Variants in ASTN2 observed in about 807,000 individuals in gnomAD.
ASTN2 encodes astrotactin 2.
In ASTN2, 54 loss-of-function variants were observed where a neutral mutation model predicts 139.8. The ratio of observed to expected loss-of-function variants is 0.39; its 90% CI spans 0.31 to 0.48. The LOEUF is 0.48. Ranked by LOEUF, ASTN2 falls within the 20% of genes least tolerant of loss-of-function variation. ASTN2 has a pLI of 0.95. For synonymous variants in ASTN2, 756 were observed against 719.5 expected (o/e 1.05, Z -0.81); for missense variants, 1,565 against 1,725.1 (o/e 0.91, Z 1.64).
chr9:116,693,808 G>C (rs1020524357), intron 16 of ASTN2, among the ~76,000 whole-genome samples: 2 of 152,138 alleles, frequency 1.3e-5, no homozygotes, highest in African/African-American at 4.8e-5. Context: ...GTAGTCTTTT[G>C]GGGAAACTGA....
At chr9:116,909,403 G>C (rs1176976956) in intron 10 of ASTN2, among the ~76,000 whole-genome samples, 1 of 152,214 alleles carries the variant, frequency 6.6e-6, no homozygotes, top group East Asian at 1.9e-4. Context: ...GACAGAACTA[G>C]TCAAGGATAA....
intron 22 of ASTN2, among the ~76,000 whole-genome samples, chr9:116,428,370 A>G (rs1217656277): frequency 2.0e-5 from 3 of 152,108 alleles, no homozygotes; most frequent in Non-Finnish European, 4.4e-5. Flanking sequence ...CTAAAAATAC[A>G]AAATTTAGCT....
At chr9:116,566,879 A>G (rs62576086) in intron 19 of ASTN2, among the ~76,000 whole-genome samples, 1 of 152,050 alleles carries the variant, frequency 6.6e-6, no homozygotes, top group Non-Finnish European at 1.5e-5. Flanking sequence ...TCTCCTTCAC[A>G]CAGGGTCAGA....
chr9:116,903,337 A>T (rs1416537984), intron 10 of ASTN2, among the ~76,000 whole-genome samples: 5 of 152,096 alleles, frequency 3.3e-5, no homozygotes, highest in Admixed American at 2.0e-4. Flanking sequence ...GTTGGCAGAG[A>T]TCTTTGTTTT....
chr9:117,323,093 C>A (rs1164729465), intron 1 of ASTN2, among the ~76,000 whole-genome samples: 1 of 152,138 alleles, frequency 6.6e-6, no homozygotes, highest in East Asian at 1.9e-4. Context: ...ATTGACAGTC[C>A]TGGGGTCTGA....
intron 5 of ASTN2, among the ~76,000 whole-genome samples, chr9:117,046,113 G>C (rs1323053042): frequency 1.3e-5 from 2 of 152,046 alleles, no homozygotes; most frequent in African/African-American, 4.8e-5. Flanking sequence ...CAATTCTCCT[G>C]TCTCAGCCTC....
chr9:116,660,091 T>C (rs900001375), intron 16 of ASTN2, among the ~76,000 whole-genome samples: 11 of 151,916 alleles, frequency 7.2e-5, no homozygotes, highest in Non-Finnish European at 1.3e-4. Context: ...TAGGGCATTG[T>C]TGGGTGGCTT....
chr9:116,880,495 AAAAT>A (rs959838211), intron 10 of ASTN2, among the ~76,000 whole-genome samples: 1 of 152,180 alleles, frequency 6.6e-6, no homozygotes, highest in African/African-American at 2.4e-5. Flanking sequence ...TGGGCTTCAG[AAAAT>A]AAATAAATAA....
chr9:117,051,954 C>T (rs534582682), intron 5 of ASTN2, among the ~76,000 whole-genome samples: 4 of 152,200 alleles, frequency 2.6e-5, no homozygotes, highest in Admixed American at 2.6e-4. Flanking sequence ...TAAACCATAC[C>T]CAAACATTCC....
chr9:117,236,217 C>A (rs1265325960), intron 2 of ASTN2, among the ~76,000 whole-genome samples: 1 of 152,182 alleles, frequency 6.6e-6, no homozygotes, highest in Non-Finnish European at 1.5e-5. Context: ...TACTGCCTTC[C>A]ATCATTACCA....
chr9:116,425,995 T>G lies in ASTN2; in HGVS notation c.3876A>C (p.Thr1292=), dbSNP rs1336591510. ...CGCTGCGGCAGAAAAGATAGGGCAC[T>G]GTTTCCACGCGGCTCTGGATGTAGG... ...RSAYIQSRVE[T]VPYLFCRSEE... Residue 1292 remains threonine (T), a synonymous_variant, in exon 23 of 23, where the codon ACA becomes ACC. Coordinates refer to ENST00000313400, the MANE Select transcript of ASTN2 (RefSeq NM_001365068.1). The G allele has an allele frequency of 6.2e-7, 1 of 1,614,050 alleles. No individual in the cohort carries two copies. Among genetic ancestry groups the G allele is most frequent in the Non-Finnish European group, 8.5e-7 (1 of 1,180,040 alleles).
At chr9:116,657,458 C>A (rs971914869) in intron 16 of ASTN2, among the ~76,000 whole-genome samples, 1 of 152,124 alleles carries the variant, frequency 6.6e-6, no homozygotes, top group Non-Finnish European at 1.5e-5. Flanking sequence ...GTAAAATTCC[C>A]AAGTCATGCC....
intron 10 of ASTN2, among the ~76,000 whole-genome samples, chr9:116,972,249 G>A (rs138921045): frequency 5.3e-5 from 8 of 151,948 alleles, no homozygotes; most frequent in East Asian, 1.9e-4. Context: ...ATTATTTTGT[G>A]TCTGGTTTCC....
intron 3 of ASTN2, among the ~76,000 whole-genome samples, chr9:117,206,438 G>A (rs1458478391): frequency 6.6e-6 from 1 of 152,148 alleles, no homozygotes; most frequent in Non-Finnish European, 1.5e-5. Flanking sequence ...AATTTATACA[G>A]CTGCACTGTC....
chr9:117,412,030 C>T (rs1314717799), intron 1 of ASTN2, among the ~76,000 whole-genome samples: 1 of 138,306 alleles, frequency 7.2e-6, no homozygotes, highest in African/African-American at 2.7e-5. Context: ...CCCCAGCGGG[C>T]ACCAACTCTC....
At chr9:116,632,187 A>T (rs12339023) in intron 17 of ASTN2, among the ~76,000 whole-genome samples, 1 of 35,938 alleles carries the variant, frequency 2.8e-5, no homozygotes, top group South Asian at 1.6e-3. Context: ...AGAGAGAGGG[A>T]GAGAGAGAGA....
chr9:116,593,371 AT>A (rs1854448199), intron 19 of ASTN2, among the ~76,000 whole-genome samples: 1 of 152,252 alleles, frequency 6.6e-6, no homozygotes, highest in South Asian at 2.1e-4. Context: ...AATAAAAATT[AT>A]CAAACTGTCC....
At chr9:116,834,749 G>A (rs1309135621) in intron 11 of ASTN2, among the ~76,000 whole-genome samples, 1 of 152,064 alleles carries the variant, frequency 6.6e-6, no homozygotes, top group Admixed American at 6.6e-5. Flanking sequence ...TTTAATTTTG[G>A]TATTTAAACT....
intron 19 of ASTN2, among the ~76,000 whole-genome samples, chr9:116,571,524 G>T (rs1224939188): frequency 6.6e-6 from 1 of 152,176 alleles, no homozygotes; most frequent in African/African-American, 2.4e-5. Flanking sequence ...TATTTGGTGT[G>T]TGCTGTGCTG....
Sources: allele counts gnomAD v4.1 joint callset (sites outside exome capture counted in the v4.1 genomes callset), GRCh38; gene constraint gnomAD v4.1.1; transcripts MANE v1.5; gene names NCBI Gene and HGNC (gene_info 2026-07-23, HGNC 2026-07-21).